MYH15: variants seen among roughly 807,000 people sequenced by gnomAD.
MYH15 encodes myosin-15.
MYH15 carries 227 observed loss-of-function variants against 240.5 expected under a neutral mutation model. The ratio of observed to expected loss-of-function variants is 0.94; its 90% confidence interval spans 0.85 to 1.05. The LOEUF (loss-of-function observed/expected upper bound fraction) is 1.05, where lower values mean the gene tolerates loss of function less well. Among genes scored for constraint, MYH15 ranks in the 50% least tolerant of loss-of-function variants. MYH15 has a pLI of 0.00. For missense variants in MYH15, 2,217 were observed against 2,247.5 expected (o/e 0.99, Z 0.27); for synonymous variants, 785 against 796.7 (o/e 0.99, Z 0.25).
chr3:108,410,025 G>A (rs1320399894), intron 31 of MYH15, among the ~76,000 whole-genome samples: 1 of 152,176 alleles, frequency 6.6e-6, no homozygotes, highest in African/African-American at 2.4e-5. Flanking sequence ...ATATGCTGGA[G>A]CCGTGCTGGC....
chr3:108,389,655 TC>T, intron 37 of MYH15, among the ~76,000 whole-genome samples: 1 of 152,168 alleles, frequency 6.6e-6, no homozygotes, highest in East Asian at 1.9e-4. Context: ...AAAAATCTCT[TC>T]CCTGAATTAG....
intron 32 of MYH15, among the ~76,000 whole-genome samples, chr3:108,407,379 A>G (rs974906179): frequency 6.6e-6 from 1 of 152,250 alleles, no homozygotes; most frequent in Non-Finnish European, 1.5e-5. Context: ...GCTGTATTTT[A>G]ATGTGTCTGA....
intron 6 of MYH15, among the ~76,000 whole-genome samples, chr3:108,496,320 C>T (rs1246278969): frequency 6.6e-6 from 1 of 152,186 alleles, no homozygotes; most frequent in African/African-American, 2.4e-5. Flanking sequence ...CTTTTGCTTG[C>T]TTCTTTTCCT....
At chr3:108,545,993 A>C in the MYH15 span, among the ~76,000 whole-genome samples, 1 of 152,180 alleles carries the variant, frequency 6.6e-6, no homozygotes, top group Middle Eastern at 3.2e-3. Flanking sequence ...AATTGCTAGA[A>C]GTGAAGCTTC....
chr3:108,382,119 T>C (rs1470232726), intron 40 of MYH15, among the ~76,000 whole-genome samples: 1 of 152,214 alleles, frequency 6.6e-6, no homozygotes, highest in Non-Finnish European at 1.5e-5. Context: ...TGCAGCTGAA[T>C]GCAATTGCAG....
intron 27 of MYH15, among the ~76,000 whole-genome samples, chr3:108,425,602 G>A (rs1360471313): frequency 6.6e-6 from 1 of 152,162 alleles, no homozygotes; most frequent in African/African-American, 2.4e-5. Flanking sequence ...TAGAACGTGA[G>A]TTATAAAAAG....
chr3:108,411,965 T>C (rs1046852965), intron 30 of MYH15, among the ~76,000 whole-genome samples: 1 of 152,222 alleles, frequency 6.6e-6, no homozygotes, highest in Non-Finnish European at 1.5e-5. Flanking sequence ...TTCTGCTTCA[T>C]GTTTCTTAAA....
chr3:108,476,308 A>G, intron 12 of MYH15, 89 bp downstream of exon 12: 3 of 778,212 alleles, frequency 3.9e-6, no homozygotes, highest in Non-Finnish European at 6.1e-6. Flanking sequence ...TATTGCAAAC[A>G]TCCTTAGTAG....
In MYH15 at chr3:108,500,121, G is replaced by A; in HGVS notation, c.493C>T (p.His165Tyr). ...ATTTTGTAGGGCAGCTACTCACTGTGAAGCATGTCCTGAAAGGCGTTATTG... is the reference window on the plus strand; with the variant it reads ...ATTTTGTAGGGCAGCTACTCACTGTAAAGCATGTCCTGAAAGGCGTTATTG... The part of the protein sequence containing the change: ...VANNAFQDML[H>Y]NRENQSILFT... Residue 165 changes from histidine (H) to tyrosine (Y), a missense_variant, in exon 4 of 41, where the codon CAC becomes TAC. Physicochemically the swap from His to Tyr is moderately conservative, Grantham distance 83. Transcript: ENST00000693548. The A allele has an allele frequency of 1.2e-6, 2 of 1,613,016 alleles. No individual in the cohort carries two copies. The highest frequency in any genetic ancestry group is 2.2e-5 in the South Asian group (2 of 90,986).
At chr3:108,517,989 T>C (rs561660078) in intron 1 of MYH15, among the ~76,000 whole-genome samples, 2 of 152,316 alleles carry the variant, frequency 1.3e-5, no homozygotes, top group South Asian at 4.2e-4. Context: ...TCATCTACAT[T>C]TGTATTTTTA....
chr3:108,496,782 C>A lies in MYH15; in HGVS notation c.619-910G>T, dbSNP rs1224333017. 2.1e-5 allele frequency among the ~76,000 whole-genome samples: 3 copies of A among 144,232 alleles called. No homozygotes were observed. The East Asian group carries it at 6.0e-4, about 29-fold the overall frequency. 94.6% of individuals were successfully genotyped at this position (144,232 alleles called of 152,430 possible). ...TTATCATAAAACTCAATGGCTAGAC[C>A]AAACCATTTAATGCGCACCAAAAAA... On this transcript the variant is annotated intron_variant, in intron 6 of 40. Transcript: ENST00000693548.
chr3:108,498,409 G>A (rs1187174188), intron 5 of MYH15, among the ~76,000 whole-genome samples: 1 of 152,114 alleles, frequency 6.6e-6, no homozygotes, highest in Admixed American at 6.5e-5. Context: ...TGTTCCTTGT[G>A]GTCCTAATAA....
intron 11 of MYH15, among the ~76,000 whole-genome samples, chr3:108,482,093 A>G (rs534005629): frequency 6.6e-6 from 1 of 152,232 alleles, no homozygotes; most frequent in African/African-American, 2.4e-5. Context: ...GGCCATGGTG[A>G]TAAGTTGTGA....
intron 37 of MYH15, among the ~76,000 whole-genome samples, chr3:108,390,138 C>G (rs1040378270): frequency 2.6e-5 from 4 of 151,978 alleles, no homozygotes; most frequent in Non-Finnish European, 5.9e-5. Context: ...TTTTTAAGCA[C>G]TCCTTAAGAA....
chr3:108,542,885 T>TA, the MYH15 span, among the ~76,000 whole-genome samples: 1 of 150,344 alleles, frequency 6.7e-6, no homozygotes, highest in Admixed American at 6.6e-5. Context: ...TCGTTCCTTT[T>TA]TTTTTTTTTT....
chr3:108,549,276 T>C, the MYH15 span, among the ~76,000 whole-genome samples: 1 of 151,860 alleles, frequency 6.6e-6, no homozygotes, highest in African/African-American at 2.4e-5. Context: ...CTTTTGCTTT[T>C]TTAATATGAG....
the MYH15 span, among the ~76,000 whole-genome samples, chr3:108,545,399 G>A: frequency 6.6e-6 from 1 of 152,048 alleles, no homozygotes; most frequent in Non-Finnish European, 1.5e-5. Context: ...TTTTTACTTC[G>A]TTCCATCTCC....
In MYH15 at chr3:108,499,604, A is replaced by G; in HGVS notation, c.497-122T>C. On this transcript the variant is annotated intron_variant, in intron 4 of 40. Coordinates refer to ENST00000693548, the MANE Select transcript of MYH15 (RefSeq NM_014981.3). ...AGACACAAGGGAAAGGATTAGCATCATTTATAGTTAGAAAAACATACCCCT... is the reference window on the plus strand; with the variant it reads ...AGACACAAGGGAAAGGATTAGCATCGTTTATAGTTAGAAAAACATACCCCT... 6.4e-6 allele frequency: 6 copies of G among 942,472 alleles called. No individual in the cohort carries two copies. In the South Asian group the frequency reaches 7.7e-5, roughly 12 times the overall value. The allele number at this position is 942,472 out of a possible 1,614,324, so 58.4% of individuals were successfully genotyped here.
At chr3:108,535,860 C>T in the MYH15 span, among the ~76,000 whole-genome samples, 1 of 152,178 alleles carries the variant, frequency 6.6e-6, no homozygotes, top group South Asian at 2.1e-4. Flanking sequence ...TGAGTATTCG[C>T]TAAACAAGAT....
Sources: gnomAD v4.1 joint callset for allele counts (sites outside exome capture counted in the v4.1 genomes callset) on GRCh38, gnomAD v4.1.1 for gene constraint, MANE v1.5 for transcripts, NCBI Gene and HGNC (gene_info 2026-07-23, HGNC 2026-07-21) for gene names.